Variants in GXYLT1 observed in about 807,000 individuals in gnomAD.
GXYLT1 encodes the protein glucoside xylosyltransferase 1.
GXYLT1 carries 29 observed loss-of-function variants against 54.0 expected under a neutral mutation model. The ratio of observed to expected loss-of-function variants is 0.54; its 90% CI spans 0.40 to 0.73. GXYLT1 has a LOEUF of 0.73. Among genes scored for constraint, GXYLT1 ranks in the 30% least tolerant of loss-of-function variants. The probability of loss-of-function intolerance (pLI) is 0.00; values close to 1 mark genes in which losing one functional copy is unlikely to be tolerated. For synonymous variants in GXYLT1, 176 were observed against 204.1 expected (o/e 0.86, Z 1.17); for missense variants, 490 against 553.4 (o/e 0.89, Z 1.15).
intron 1 of GXYLT1, among the ~76,000 whole-genome samples, chr12:42,143,090 T>C (rs1041334171): frequency 6.6e-6 from 1 of 152,218 alleles, no homozygotes; most frequent in African/African-American, 2.4e-5. Flanking sequence ...ATTTGTAAAT[T>C]TCTGTCACAA....
At position 42,083,625 on chromosome 12, in the gene GXYLT1, AT is replaced by A. The variant is rs1555136397; in HGVS notation, c.*4160del. 1 of 31,408 alleles carries A rather than the reference AT, an allele frequency of 3.2e-5. No homozygotes were observed. The highest frequency in any genetic ancestry group is 8.8e-5 in the Non-Finnish European group (1 of 11,310). 1.9% of individuals were successfully genotyped at this position (31,408 alleles called of 1,614,324 possible). A position where few individuals can be genotyped will look rare whatever the true frequency, so the allele number is the denominator to read the frequency against. On this transcript the variant is annotated 3_prime_UTR_variant, in exon 8 of 8. Coordinates refer to ENST00000398675, the MANE Select transcript of GXYLT1 (RefSeq NM_173601.2). ...TATCTGAAAAATAAGACAGCCAATAATATCTTTTAAGGTATTTCTGCTGTCT... is the reference window on the plus strand; with the variant it reads ...TATCTGAAAAATAAGACAGCCAATAAATCTTTTAAGGTATTTCTGCTGTCT...
intron 2 of GXYLT1, 95 bp downstream of exon 2, chr12:42,129,664 C>A: frequency 5.4e-6 from 4 of 735,668 alleles, no homozygotes; most frequent in East Asian, 2.6e-5. Flanking sequence ...TGTATAATAT[C>A]ATAAGAAACA....
intron 2 of GXYLT1, among the ~76,000 whole-genome samples, chr12:42,126,329 C>T (rs986412441): frequency 6.6e-6 from 1 of 152,078 alleles, no homozygotes; most frequent in South Asian, 2.1e-4. Context: ...CACGCCTTGG[C>T]CTCCTAAAGT....
At chr12:42,098,758 AACATATATATATATATATATATATATAAT>A (rs1199249282) in intron 5 of GXYLT1, among the ~76,000 whole-genome samples, 3 of 17,774 alleles carry the variant, frequency 1.7e-4, no homozygotes, top group Non-Finnish European at 3.1e-4. Context: ...TTAAATTTAA[AACATATATATATATATATATATATATAAT>A]ACATGTGTGT....
At chr12:42,109,264 A>G (rs1457267565) in intron 4 of GXYLT1, among the ~76,000 whole-genome samples, 1 of 152,208 alleles carries the variant, frequency 6.6e-6, no homozygotes, top group African/African-American at 2.4e-5. Context: ...TGGCTCCATT[A>G]AGACCTGGCA....
At chr12:42,116,271 T>C (rs1565574917) in intron 3 of GXYLT1, among the ~76,000 whole-genome samples, 1 of 151,974 alleles carries the variant, frequency 6.6e-6, no homozygotes, top group Non-Finnish European at 1.5e-5. Context: ...AAAGCCAAAA[T>C]TGACAAATGG....
At position 42,144,809 on chromosome 12, in the gene GXYLT1, T is replaced by G; in HGVS notation, c.-163A>C. The G allele has an allele frequency of 2.4e-6, 1 of 423,472 alleles. No individual in the cohort carries two copies. The allele number at this position is 423,472 out of a possible 1,614,324, so 26.2% of individuals were successfully genotyped here. On this transcript the variant is annotated 5_prime_UTR_variant, in exon 1 of 8. Transcript: ENST00000398675. ...CTTCCTTCCCTCCCCGCCCACCACCTAGGCGAGCGCAGTCGCGGCTCCGGA... is the reference window on the plus strand; with the variant it reads ...CTTCCTTCCCTCCCCGCCCACCACCGAGGCGAGCGCAGTCGCGGCTCCGGA...
At chr12:42,137,994 G>A (rs545334047) in intron 1 of GXYLT1, among the ~76,000 whole-genome samples, 11 of 152,278 alleles carry the variant, frequency 7.2e-5, no homozygotes, top group African/African-American at 2.2e-4. Context: ...CAAGTCGGGC[G>A]CAGTGGCTCA....
rs188942305 is a variant in GXYLT1 at position 42,111,440 on chromosome 12, G to A, written c.487-1749C>T. Among the ~76,000 whole-genome samples the A allele has an allele frequency of 1.1e-4, 17 of 152,314 alleles. No homozygotes were observed. In the East Asian group the frequency reaches 1.9e-3, roughly 17 times the overall value. ...CGGGTCACTCCCACCCTAATACTGCGCTTTTCCAATGGGCTTAAAAAACGG... is the reference window on the plus strand; with the variant it reads ...CGGGTCACTCCCACCCTAATACTGCACTTTTCCAATGGGCTTAAAAAACGG... On this transcript the variant is annotated intron_variant, in intron 3 of 7. Transcript: ENST00000398675.
chr12:42,107,209 T>A (rs1309850866), intron 4 of GXYLT1, among the ~76,000 whole-genome samples: 1 of 152,232 alleles, frequency 6.6e-6, no homozygotes, highest in Non-Finnish European at 1.5e-5. Flanking sequence ...GTTCTGCTAC[T>A]TTTCAAAGCT....
intron 2 of GXYLT1, among the ~76,000 whole-genome samples, chr12:42,120,668 C>T (rs1007570410): frequency 6.6e-6 from 1 of 151,888 alleles, no homozygotes; most frequent in Non-Finnish European, 1.5e-5. Flanking sequence ...GCAGCTGGGA[C>T]CACAGATGTG....
At chr12:42,097,858 AAGTATTAT>A in intron 6 of GXYLT1, 44 bp downstream of exon 6, 1 of 1,346,308 alleles carries the variant, frequency 7.4e-7, no homozygotes, top group Non-Finnish European at 1.0e-6. Flanking sequence ...CTTTTTCACT[AAGTATTAT>A]CTGTGATTTT....
At chr12:42,091,135 G>C (rs1379538655) in intron 7 of GXYLT1, among the ~76,000 whole-genome samples, 1 of 152,002 alleles carries the variant, frequency 6.6e-6, no homozygotes, top group Non-Finnish European at 1.5e-5. Context: ...CTGAATTACA[G>C]ATAAGGAAAT....
rs140262578 is a variant in GXYLT1, at chr12:42,090,914, T to G, written c.1162-2967A>C. Among the ~76,000 whole-genome samples the G allele has an allele frequency of 5.1e-4, 77 of 152,344 alleles. 1 individual carries two copies. The highest frequency in any genetic ancestry group is 1.7e-3 in the African/African-American group (72 of 41,588). Reference sequence around the variant, plus strand: ...AATTTGTAATTTTTAAACATTTTTATTCACTCAACAACTAATATTTAACAA... The same window carrying G: ...AATTTGTAATTTTTAAACATTTTTAGTCACTCAACAACTAATATTTAACAA... On this transcript the variant is annotated intron_variant, in intron 7 of 7. Coordinates refer to ENST00000398675, the MANE Select transcript of GXYLT1 (RefSeq NM_173601.2).
chr12:42,108,093 A>C (rs1386245169), intron 4 of GXYLT1, among the ~76,000 whole-genome samples: 6 of 152,230 alleles, frequency 3.9e-5, no homozygotes, highest in Admixed American at 6.5e-5. Context: ...AATTAACAAT[A>C]AAGTATGAGG....
chr12:42,118,849 G>A, intron 3 of GXYLT1, 151 bp downstream of exon 3: 1 of 619,500 alleles, frequency 1.6e-6, no homozygotes, highest in Non-Finnish European at 2.6e-6. Flanking sequence ...CAGCAATGCT[G>A]AACTGTGAGT....
Position 42,144,631 on chromosome 12 carries a change from G to C in GXYLT1, c.16C>G (p.Arg6Gly), listed in dbSNP as rs779615789. 2.0e-4 allele frequency: 296 copies of C among 1,464,802 alleles called. 2 individuals are homozygous for C. Among genetic ancestry groups the C allele is most frequent in the Non-Finnish European group, 4.4e-5 (49 of 1,106,514 alleles). The allele number at this position is 1,464,802 out of a possible 1,614,324, so 90.7% of individuals were successfully genotyped here. ...CAGGCCACACACAGCACCACGACGCGCAGGTAGCGCCGCATCGCCCCGGCC... is the reference window on the plus strand; with the variant it reads ...CAGGCCACACACAGCACCACGACGCCCAGGTAGCGCCGCATCGCCCCGGCC... MRRYL[R>G]VVVLCVACGF... is the part of the protein sequence containing the mutation. Residue 6 changes from arginine to glycine, a missense_variant, in exon 1 of 8, where the codon CGC becomes GGC. This residue lies in a region of GXYLT1 where 148 missense variants were observed against 210.7 expected (regional missense o/e 0.70). Transcript: ENST00000398675.
At chr12:42,102,034 A>G (rs942941693) in intron 5 of GXYLT1, among the ~76,000 whole-genome samples, 2 of 152,226 alleles carry the variant, frequency 1.3e-5, no homozygotes, top group African/African-American at 4.8e-5. Context: ...ATTTAGTTTC[A>G]TAACATTTAA....
At chr12:42,138,819 A>C (rs60631072) in intron 1 of GXYLT1, among the ~76,000 whole-genome samples, 27,393 of 152,028 alleles carry the variant, frequency 0.18, 2,502 homozygotes, top group Admixed American at 0.24. Context: ...TCAGGAGTTC[A>C]AGACCAACCA....
Sources: gnomAD v4.1 joint callset for allele counts (sites outside exome capture counted in the v4.1 genomes callset) on GRCh38, gnomAD v4.1.1 for gene constraint, gnomAD v4.1.1 regional missense constraint, MANE v1.5 for transcripts, NCBI Gene and HGNC (gene_info 2026-07-23, HGNC 2026-07-21) for gene names.